Variants in LRRIQ1 observed in about 807,000 individuals in gnomAD.
LRRIQ1 encodes leucine rich repeats and IQ motif containing 1, also known as leucine-rich repeat- and IQ domain-containing protein 1.
In LRRIQ1, 210 loss-of-function variants were observed where a neutral mutation model predicts 211.9. The ratio of observed to expected loss-of-function variants is 0.99; its 90% CI spans 0.89 to 1.11. The LOEUF (loss-of-function observed/expected upper bound fraction) is 1.11. LRRIQ1 is among the 50% of genes most tolerant of loss of function. The pLI, the probability that LRRIQ1 is intolerant of heterozygous loss-of-function variation, is 0.00. For missense variants in LRRIQ1, 2,136 were observed against 1,939.5 expected (o/e 1.10, Z -1.90); for synonymous variants, 699 against 650.1 (o/e 1.08, Z -1.14).
chr12:85,061,407 A>G (rs1016985927), intron 8 of LRRIQ1, among the ~76,000 whole-genome samples: 1 of 151,758 alleles, frequency 6.6e-6, no homozygotes, highest in Non-Finnish European at 1.5e-5. Flanking sequence ...TAAATGTTCA[A>G]TGAAAAGAGC....
intron 15 of LRRIQ1, among the ~76,000 whole-genome samples, chr12:85,115,908 G>T (rs7135053): frequency 2.0e-5 from 3 of 151,792 alleles, no homozygotes; most frequent in Non-Finnish European, 2.9e-5. Context: ...AGATTATTGT[G>T]TTAAAGTAGC....
At chr12:85,187,173 G>A (rs1892265989) in intron 24 of LRRIQ1, among the ~76,000 whole-genome samples, 1 of 152,060 alleles carries the variant, frequency 6.6e-6, no homozygotes, top group South Asian at 2.1e-4. Context: ...CTAAATTTTT[G>A]TACTCACAGC....
chr12:85,037,293 G>A (rs1878246247), intron 1 of LRRIQ1, among the ~76,000 whole-genome samples: 1 of 151,806 alleles, frequency 6.6e-6, no homozygotes, highest in African/African-American at 2.4e-5. Flanking sequence ...GTCATGTAAA[G>A]GAAATGACTC....
intron 19 of LRRIQ1, among the ~76,000 whole-genome samples, chr12:85,141,504 C>T (rs1439716818): frequency 6.7e-6 from 1 of 149,504 alleles, no homozygotes. Context: ...TAATATTTTC[C>T]TCTTGAACAA....
intron 10 of LRRIQ1, among the ~76,000 whole-genome samples, chr12:85,070,582 T>C (rs12815269): frequency 0.075 from 11,392 of 152,046 alleles, 603 homozygotes; most frequent in Non-Finnish European, 0.11. Flanking sequence ...TTTGTTTGTT[T>C]AGTTTGTTTT....
At chr12:85,093,086 T>C (rs1300906475) in intron 11 of LRRIQ1, among the ~76,000 whole-genome samples, 3 of 152,152 alleles carry the variant, frequency 2.0e-5, no homozygotes, top group African/African-American at 7.2e-5. Flanking sequence ...AAGGTAACAA[T>C]ACTTGTCTTT....
intron 24 of LRRIQ1, among the ~76,000 whole-genome samples, chr12:85,207,596 CA>C (rs1893624327): frequency 6.6e-6 from 1 of 151,956 alleles, no homozygotes; most frequent in African/African-American, 2.4e-5. Context: ...AAGTTATCAC[CA>C]AACCCAAGAA....
At chr12:85,163,965 A>C (rs892563718) in intron 24 of LRRIQ1, among the ~76,000 whole-genome samples, 1 of 152,120 alleles carries the variant, frequency 6.6e-6, no homozygotes, top group Non-Finnish European at 1.5e-5. Context: ...TGTGTCACCT[A>C]TTAGCCAGTT....
intron 26 of LRRIQ1, among the ~76,000 whole-genome samples, chr12:85,233,689 G>C (rs368273487): frequency 2.7e-4 from 41 of 152,112 alleles, no homozygotes; most frequent in African/African-American, 9.9e-4. Flanking sequence ...TAAATTGCGT[G>C]TGTTTTGGAA....
At chr12:85,157,844 G>A (rs1890639519) in intron 23 of LRRIQ1, among the ~76,000 whole-genome samples, 1 of 151,708 alleles carries the variant, frequency 6.6e-6, no homozygotes, top group Non-Finnish European at 1.5e-5. Flanking sequence ...ACCTAACATG[G>A]ATTTTTTGCC....
At chr12:85,205,033 G>A (rs1472119183) in intron 24 of LRRIQ1, among the ~76,000 whole-genome samples, 1 of 152,062 alleles carries the variant, frequency 6.6e-6, no homozygotes, top group African/African-American at 2.4e-5. Context: ...TAAATCAGGG[G>A]GGTGGTTTCT....
chr12:85,132,246 G>A (rs1022552716), intron 18 of LRRIQ1, among the ~76,000 whole-genome samples: 2 of 151,960 alleles, frequency 1.3e-5, no homozygotes, highest in African/African-American at 4.8e-5. Flanking sequence ...TTTTAAAAAG[G>A]GAGGAAGGTA....
In LRRIQ1 at chr12:85,066,801, T is replaced by A. The variant is rs762535996; in HGVS notation, c.2598T>A (p.Val866=). Residue 866 remains valine, a synonymous_variant, in exon 10 of 27, where the codon GTT becomes GTA. Coordinates refer to ENST00000393217, the MANE Select transcript of LRRIQ1 (RefSeq NM_001079910.2). ...AAAATTTGGAAAATCTCTGTGTTGT[T>A]CTTCTTAATAAAAATCAACTGACTT... is the stretch of plus-strand genomic sequence containing the variant. ...ECENLENLCV[V]LLNKNQLTSL... The A allele has an allele frequency of 2.1e-5, 34 of 1,600,996 alleles. No individual in the cohort carries two copies. Among genetic ancestry groups the A allele is most frequent in the African/African-American group, 2.7e-5 (2 of 74,316 alleles).
intron 26 of LRRIQ1, among the ~76,000 whole-genome samples, chr12:85,239,356 T>TACACACAC (rs55912271): frequency 0.026 from 3,840 of 145,104 alleles, 78 homozygotes; most frequent in African/African-American, 0.064. Context: ...AACTGTTTTA[T>TACACACAC]ACACACACAC....
At chr12:85,257,860 A>G (rs1593033149) in intron 1 of LRRIQ1, among the ~76,000 whole-genome samples, 1 of 152,000 alleles carries the variant, frequency 6.6e-6, no homozygotes, top group Non-Finnish European at 1.5e-5. Flanking sequence ...CCACATTTGT[A>G]GCGCCACATT....
downstream of LRRIQ1, among the ~76,000 whole-genome samples, chr12:85,267,503 C>G (rs1206940765): frequency 6.6e-6 from 1 of 151,918 alleles, no homozygotes; most frequent in Admixed American, 6.6e-5. Flanking sequence ...ATAATAAATG[C>G]TAAATTAATA....
chr12:85,170,193 A>G (rs1056931499), intron 24 of LRRIQ1, among the ~76,000 whole-genome samples: 1 of 151,552 alleles, frequency 6.6e-6, no homozygotes, highest in Admixed American at 6.6e-5. Context: ...TATTTTTTGT[A>G]TTTCCCCCTA....
intron 19 of LRRIQ1, among the ~76,000 whole-genome samples, chr12:85,149,186 T>A (rs1890083231): frequency 6.6e-6 from 1 of 152,094 alleles, no homozygotes; most frequent in African/African-American, 2.4e-5. Flanking sequence ...TGGCTTTTAT[T>A]GCAATTGCTT....
At chr12:85,179,297 G>A (rs1331026897) in intron 24 of LRRIQ1, among the ~76,000 whole-genome samples, 2 of 151,840 alleles carry the variant, frequency 1.3e-5, no homozygotes, top group Non-Finnish European at 2.9e-5. Context: ...ACTGACTTCA[G>A]TGTCTCTTGC....
Sources: allele counts gnomAD v4.1 joint callset (sites outside exome capture counted in the v4.1 genomes callset), GRCh38; gene constraint gnomAD v4.1.1; transcripts MANE v1.5; gene names NCBI Gene and HGNC (gene_info 2026-07-23, HGNC 2026-07-21).